VPS53: variants seen among roughly 807,000 people sequenced by gnomAD.
VPS53 encodes the protein VPS53 subunit of GARP complex.
VPS53 carries 70 observed loss-of-function variants against 107.0 expected under a neutral mutation model. The observed-to-expected ratio is 0.65, with a 90% CI of 0.54 to 0.80. VPS53 has a LOEUF of 0.80. VPS53 is among the 30% of genes least tolerant of loss of function. VPS53 has a pLI of 0.00. For synonymous variants in VPS53, 409 were observed against 393.3 expected (o/e 1.04, Z -0.47); for missense variants, 917 against 1,049.4 (o/e 0.87, Z 1.74).
intron 20 of VPS53, among the ~76,000 whole-genome samples, chr17:521,183 C>T (rs1366101229): frequency 6.6e-6 from 1 of 152,192 alleles, no homozygotes; most frequent in African/African-American, 2.4e-5. Context: ...TGATTAGATT[C>T]AGTTACTACA....
chr17:696,678 C>T (rs559565691), intron 4 of VPS53, among the ~76,000 whole-genome samples: 8 of 152,282 alleles, frequency 5.3e-5, no homozygotes, highest in African/African-American at 1.9e-4. Flanking sequence ...AGTATCTCCT[C>T]CCTACACACT....
chr17:561,579 T>A (rs965445750), intron 14 of VPS53, among the ~76,000 whole-genome samples: 17 of 152,178 alleles, frequency 1.1e-4, no homozygotes, highest in Admixed American at 1.1e-3. Context: ...GAAAAATATA[T>A]ACAAAAAGTT....
intron 5 of VPS53, among the ~76,000 whole-genome samples, chr17:658,422 C>A (rs1485648830): frequency 1.3e-3 from 150 of 117,792 alleles, no homozygotes; most frequent in Middle Eastern, 7.1e-3. Flanking sequence ...GAAACTCGGC[C>A]GTGAGTTCGT....
intron 11 of VPS53, among the ~76,000 whole-genome samples, chr17:608,011 G>A (rs1968665269): frequency 6.6e-6 from 1 of 152,140 alleles, no homozygotes; most frequent in Admixed American, 6.5e-5. Flanking sequence ...TTTCCCTAGA[G>A]GGGAAAGCTT....
intron 11 of VPS53, among the ~76,000 whole-genome samples, chr17:604,951 TG>T (rs1214765453): frequency 2.6e-5 from 4 of 152,070 alleles, no homozygotes; most frequent in Non-Finnish European, 5.9e-5. Flanking sequence ...TAGAGTCTGC[TG>T]GGGGAGACAG....
At chr17:693,336 T>C (rs1389213144) in intron 4 of VPS53, among the ~76,000 whole-genome samples, 4 of 152,172 alleles carry the variant, frequency 2.6e-5, no homozygotes, top group African/African-American at 2.4e-5. Flanking sequence ...CAGGTATGTA[T>C]ACATAGGAAA....
chr17:650,406 A>C (rs1970893903), intron 7 of VPS53, among the ~76,000 whole-genome samples: 1 of 152,140 alleles, frequency 6.6e-6, no homozygotes, highest in Admixed American at 6.6e-5. Context: ...TGGAGGCAGG[A>C]GGATGGTTTG....
intron 11 of VPS53, among the ~76,000 whole-genome samples, chr17:619,328 C>T (rs1201075660): frequency 6.9e-6 from 1 of 145,716 alleles, no homozygotes; most frequent in Non-Finnish European, 1.5e-5. Context: ...CGCACCACCA[C>T]GCCCCGCTAA....
intron 4 of VPS53, among the ~76,000 whole-genome samples, chr17:691,318 C>T (rs780918621): frequency 6.6e-6 from 1 of 152,214 alleles, no homozygotes; most frequent in Admixed American, 6.5e-5. Context: ...AGGAGTTTCT[C>T]ACAACTAAAG....
chr17:551,663 A>C, intron 17 of VPS53: 1 of 368,918 alleles, frequency 2.7e-6, no homozygotes, highest in Middle Eastern at 7.5e-4. Context: ...CAATACTGTG[A>C]TGCTCTGTCT....
At chr17:613,972 C>T (rs1490800235) in intron 11 of VPS53, among the ~76,000 whole-genome samples, 4 of 152,250 alleles carry the variant, frequency 2.6e-5, no homozygotes, top group Non-Finnish European at 5.9e-5. Flanking sequence ...CACACCTCAT[C>T]ATGGGTAAGG....
chr17:636,136 G>A (rs1210010576), intron 7 of VPS53, among the ~76,000 whole-genome samples: 1 of 152,080 alleles, frequency 6.6e-6, no homozygotes. Context: ...TGGATTCCTA[G>A]GATTCCCAAA....
intron 11 of VPS53, among the ~76,000 whole-genome samples, chr17:619,107 G>C (rs1969323476): frequency 1.4e-5 from 2 of 145,370 alleles, no homozygotes; most frequent in African/African-American, 5.2e-5. Context: ...AATATTTCCC[G>C]GGTAGCTGGG....
intron 13 of VPS53, among the ~76,000 whole-genome samples, chr17:583,143 T>A (rs1967134004): frequency 6.7e-6 from 1 of 149,988 alleles, no homozygotes; most frequent in Non-Finnish European, 1.5e-5. Flanking sequence ...CCAGAGAATC[T>A]CCCTCAGAAC....
chr17:587,094 C>T (rs186855856), intron 12 of VPS53, among the ~76,000 whole-genome samples: 4 of 151,998 alleles, frequency 2.6e-5, no homozygotes, highest in African/African-American at 7.2e-5. Flanking sequence ...ACAGAGTCTC[C>T]CTCTGTCACC....
intron 4 of VPS53, among the ~76,000 whole-genome samples, chr17:666,888 C>T (rs1031424492): frequency 2.0e-5 from 3 of 152,056 alleles, no homozygotes; most frequent in Non-Finnish European, 4.4e-5. Context: ...CATTGCACTC[C>T]AGCCTAGGCG....
intron 5 of VPS53, chr17:656,699 A>AGTGTGTGTGT (rs1567713837): frequency 2.0e-6 from 1 of 495,666 alleles, no homozygotes; most frequent in Non-Finnish European, 3.3e-6. Context: ...CTGACTAAGA[A>AGTGTGTGTGT]ATGTGTGTGT....
chr17:714,766 G>A lies in VPS53; in HGVS notation c.-57C>T. 6.3e-7 allele frequency: 1 copy of A among 1,587,244 alleles called. No homozygotes were observed. The highest frequency in any genetic ancestry group is 1.1e-5 in the South Asian group (1 of 90,518). On this transcript the variant is annotated 5_prime_UTR_variant, in exon 1 of 22. Transcript: ENST00000437048. ...GCGAGCCCAACTCAGGCCTCCAGCC[G>A]CCACCCAGGCCCCAGCACAGCAACT...
chr17:557,128 T>C (rs919026200), intron 15 of VPS53, among the ~76,000 whole-genome samples: 2 of 152,150 alleles, frequency 1.3e-5, no homozygotes, highest in Non-Finnish European at 1.5e-5. Context: ...GCTGGGATTA[T>C]AGGCATGAGC....
Sources: gnomAD v4.1 joint callset for allele counts (sites outside exome capture counted in the v4.1 genomes callset) on GRCh38, gnomAD v4.1.1 for gene constraint, MANE v1.5 for transcripts, NCBI Gene and HGNC (gene_info 2026-07-23, HGNC 2026-07-21) for gene names.